The following THUMPD2 variants were observed in gnomAD, a reference collection of about 807,000 sequenced individuals.
The protein encoded by THUMPD2 is U6 snRNA (guanine-N(2))-methyltransferase THUMPD2.
Under a neutral mutation model 49.4 loss-of-function variants are expected in THUMPD2, and 56 were observed. That is an observed-to-expected ratio of 1.13 (90% CI 0.91 to 1.41). THUMPD2 has a LOEUF of 1.41. Ranked by LOEUF, THUMPD2 falls within the 40% of genes most tolerant of loss-of-function variation. THUMPD2 has a pLI of 0.00. For synonymous variants in THUMPD2, 237 were observed against 205.2 expected (o/e 1.15, Z -1.32); for missense variants, 709 against 594.5 (o/e 1.19, Z -2.00).
rs1675947748 is a variant in THUMPD2, at chr2:39,755,225, TTTATA to T, written c.1078+65_1078+69del. ...CCAACCTTTACATAGTGAGACTTGT[TTTATA>T]TTATGATTCTAAATATATTTACATT... On this transcript the variant is annotated intron_variant, in intron 8 of 9. Transcript: ENST00000505747. 13 of 1,087,284 alleles carry T rather than the reference TTTATA, an allele frequency of 1.2e-5. No homozygotes were observed. In the South Asian group the frequency reaches 2.1e-4, roughly 17 times the overall value. 67.4% of individuals were successfully genotyped at this position (1,087,284 alleles called of 1,614,324 possible).
chr2:39,763,146 T>C (rs1677047413), intron 5 of THUMPD2, among the ~76,000 whole-genome samples: 1 of 152,100 alleles, frequency 6.6e-6, no homozygotes, highest in South Asian at 2.1e-4. Context: ...AATGTGGTTT[T>C]TGATCCTCTT....
At chr2:39,755,843 G>C in intron 7 of THUMPD2, 46 bp downstream of exon 7, 1 of 1,495,088 alleles carries the variant, frequency 6.7e-7, no homozygotes, top group African/African-American at 1.4e-5. Flanking sequence ...TACATATACT[G>C]ATTAAAGTAG....
At chr2:39,778,027 C>T (rs1028130066) in intron 1 of THUMPD2, among the ~76,000 whole-genome samples, 3 of 152,140 alleles carry the variant, frequency 2.0e-5, no homozygotes, top group African/African-American at 4.8e-5. Flanking sequence ...CTTGATTTCC[C>T]AGCTCGGGTT....
At chr2:39,762,005 G>T (rs1386755757) in intron 5 of THUMPD2, among the ~76,000 whole-genome samples, 2 of 152,154 alleles carry the variant, frequency 1.3e-5, no homozygotes, top group Non-Finnish European at 2.9e-5. Context: ...AAAAGCATCA[G>T]TTCACACTTT....
rs1553358760 is a variant in THUMPD2 at position 39,744,411 on chromosome 2, C to G, written c.1146G>C (p.Lys382Asn). ...GAATGCTTTTGATGTCTTTTCCTAA[C>G]TTAAACTTTTTCCCAAATGGAATGT... ...ISDIPFGKKF[K>N]LGKDIKSILQ... Residue 382 changes from lysine (K) to asparagine (N), a missense_variant, in exon 9 of 10, where the codon AAG becomes AAC. Physicochemically the swap from Lys to Asn is moderately conservative, Grantham distance 94. Coordinates refer to ENST00000505747, the MANE Select transcript of THUMPD2 (RefSeq NM_025264.5). 1.3e-6 allele frequency: 2 copies of G among 1,587,658 alleles called. No individual in the cohort carries two copies. Among genetic ancestry groups the G allele is most frequent in the Non-Finnish European group, 1.7e-6 (2 of 1,170,588 alleles).
chr2:39,768,893 A>G, intron 3 of THUMPD2: 2 of 1,299,194 alleles, frequency 1.5e-6, no homozygotes, highest in Non-Finnish European at 2.0e-6. Flanking sequence ...TAGTATCATT[A>G]GACTCACCCT....
chr2:39,775,422 G>T (rs1339336901), intron 1 of THUMPD2, among the ~76,000 whole-genome samples: 2 of 152,098 alleles, frequency 1.3e-5, no homozygotes, highest in East Asian at 3.8e-4. Flanking sequence ...GTTTGAGTTT[G>T]TTTTGGTTTA....
In THUMPD2 at chr2:39,749,766, C is replaced by A. The variant is rs117287606; in HGVS notation, c.1079-5288G>T. On this transcript the variant is annotated intron_variant, in intron 8 of 9. Coordinates refer to ENST00000505747, the MANE Select transcript of THUMPD2 (RefSeq NM_025264.5). ...AATGCTCTCCCTCCCCTCCCACCTC[C>A]CCCTGACAGACCCCTGTGTGTGTTG... 1.3e-3 allele frequency among the ~76,000 whole-genome samples: 205 copies of A among 152,128 alleles called. 4 individuals carry two copies. In the East Asian group the frequency reaches 0.032, roughly 24 times the overall value.
At position 39,736,700 on chromosome 2, in the gene THUMPD2, C is replaced by T. The variant is rs565633517; in HGVS notation, c.*35G>A. 12 of 1,575,302 alleles carry T rather than the reference C, an allele frequency of 7.6e-6. No homozygotes were observed. The Admixed American group carries it at 8.9e-5, about 12-fold the overall frequency. The stretch of plus-strand genomic sequence containing the variant: ...AAACTTCTGCTGTACAGCTAACTTA[C>T]AAGGGCCTGAACCCGGCTGATGGCA... On this transcript the variant is annotated 3_prime_UTR_variant, in exon 10 of 10. Transcript: ENST00000505747.
chr2:39,757,721 G>C (rs1394636597), intron 6 of THUMPD2, among the ~76,000 whole-genome samples: 1 of 152,188 alleles, frequency 6.6e-6, no homozygotes, highest in East Asian at 1.9e-4. Context: ...CAACAATTAA[G>C]ATTTATAGAA....
chr2:39,755,915 G>A lies in THUMPD2; in HGVS notation c.937C>T (p.Leu313Phe), dbSNP rs762417640. The change falls in exon 7 of 10, where the codon CTT becomes TTT. Residue 313 changes from leucine to phenylalanine, a missense_variant. Transcript: ENST00000505747. ...LDPMCGLGTI[L>F]LEAAKEWPDV... ...GGCCATTCTTTAGCAGCTTCCAAAA[G>A]TATTGTTCCAAGTCCACACATTGGA... The A allele has an allele frequency of 4.3e-6, 7 of 1,613,812 alleles. No homozygotes were observed. The East Asian group carries it at 6.7e-5, about 15-fold the overall frequency.
chr2:39,770,356 G>T (rs1678150349), intron 2 of THUMPD2, among the ~76,000 whole-genome samples: 2 of 151,918 alleles, frequency 1.3e-5, no homozygotes, highest in East Asian at 1.9e-4. Context: ...AATTCCTATA[G>T]AATTACCATA....
chr2:39,778,415 G>C (rs1049167541), intron 1 of THUMPD2, among the ~76,000 whole-genome samples: 2 of 152,188 alleles, frequency 1.3e-5, no homozygotes, highest in Non-Finnish European at 2.9e-5. Context: ...GGGTGGAGGG[G>C]TTAATTTCAT....
In THUMPD2 at chr2:39,771,595, A is replaced by C. The variant is rs754624780; in HGVS notation, c.172T>G (p.Leu58Val). Residue 58 changes from leucine (L) to valine (V), a missense_variant, in exon 2 of 10, where the codon TTG becomes GTG. By Grantham distance (32) the Leu-to-Val change is conservative (BLOSUM62 1). Transcript: ENST00000505747. ...GATTTTAATTTCTTCAACATATTCA[A>C]ATCAGAACAGGTGGTGAAAAAAACC... ...GKVFFTTCSDLNMLKKLKSAE... is the reference protein window; with the variant it reads ...GKVFFTTCSDVNMLKKLKSAE... 1.2e-6 allele frequency: 2 copies of C among 1,605,956 alleles called. No homozygotes were observed. The highest frequency in any genetic ancestry group is 1.7e-6 in the Non-Finnish European group (2 of 1,177,860).
chr2:39,756,333 T>C (rs896407773), intron 6 of THUMPD2, among the ~76,000 whole-genome samples: 9 of 152,008 alleles, frequency 5.9e-5, no homozygotes, highest in Non-Finnish European at 1.0e-4. Context: ...CATGCAGAAG[T>C]TCTCTTGTGA....
chr2:39,768,896 C>T (rs1677908317), intron 3 of THUMPD2: 2 of 1,299,814 alleles, frequency 1.5e-6, no homozygotes, highest in Middle Eastern at 2.1e-4. Context: ...TATCATTAGA[C>T]TCACCCTTTA....
intron 6 of THUMPD2, among the ~76,000 whole-genome samples, chr2:39,758,956 AAGCT>A (rs1325090304): frequency 1.3e-5 from 2 of 152,204 alleles, no homozygotes; most frequent in African/African-American, 4.8e-5. Flanking sequence ...ATACCTTTTG[AAGCT>A]AAAAAGTCAG....
At chr2:39,754,562 C>T (rs1329992313) in intron 8 of THUMPD2, among the ~76,000 whole-genome samples, 1 of 152,092 alleles carries the variant, frequency 6.6e-6, no homozygotes, top group African/African-American at 2.4e-5. Flanking sequence ...ATGTTCTTAC[C>T]TGGGAATTAA....
At position 39,769,779 on chromosome 2, in the gene THUMPD2, A is replaced by C; in HGVS notation, c.603T>G (p.Asn201Lys). The change falls in exon 3 of 10, where the codon AAT becomes AAG. Residue 201 changes from asparagine (N) to lysine (K), a missense_variant. Physicochemically the swap from Asn to Lys is moderately conservative, Grantham distance 94 (BLOSUM62 0). Transcript: ENST00000505747. The part of the protein sequence containing the change: ...NDIEKAIDTH[N>K]QNDLTFRVSC... ...ATACTCTGAAAGTCAAGTCATTCTGATTATGAGTATCAATTGCTTTCTCTA... is the reference window on the plus strand; with the variant it reads ...ATACTCTGAAAGTCAAGTCATTCTGCTTATGAGTATCAATTGCTTTCTCTA... The C allele has an allele frequency of 1.9e-6, 3 of 1,602,024 alleles. No individual in the cohort carries two copies. Among genetic ancestry groups the C allele is most frequent in the Non-Finnish European group, 2.5e-6 (3 of 1,176,950 alleles).
Sources: allele counts gnomAD v4.1 joint callset (sites outside exome capture counted in the v4.1 genomes callset), GRCh38; gene constraint gnomAD v4.1.1; transcripts MANE v1.5; gene names NCBI Gene and HGNC (gene_info 2026-07-23, HGNC 2026-07-21).